SNTG1: variants seen among roughly 807,000 people sequenced by gnomAD.
SNTG1 encodes the protein syntrophin gamma 1, also known as gamma-1-syntrophin.
Under a neutral mutation model 74.7 loss-of-function variants are expected in SNTG1, and 39 were observed. The ratio of observed to expected loss-of-function variants is 0.52; its 90% CI spans 0.40 to 0.68. The LOEUF is 0.68. SNTG1 is among the 30% of genes least tolerant of loss of function. The pLI is 0.00. For missense variants in SNTG1, 685 were observed against 609.5 expected, an observed-to-expected ratio of 1.12 and a Z score of -1.30; for synonymous variants, 254 against 217.1, an observed-to-expected ratio of 1.17 and a Z score of -1.49.
intron 16 of SNTG1, 53 bp downstream of exon 16, chr8:50,704,805 T>A (rs2095438184): frequency 6.3e-7 from 1 of 1,579,350 alleles, no homozygotes; most frequent in African/African-American, 1.3e-5. Context: ...GCATGACCAC[T>A]TCCCTAGAGT....
chr8:50,176,751 C>T (rs759687882), intron 2 of SNTG1, among the ~76,000 whole-genome samples: 9 of 152,174 alleles, frequency 5.9e-5, no homozygotes, highest in Non-Finnish European at 7.3e-5. Context: ...CTGAAGGGAA[C>T]ATTTCTGTAG....
chr8:50,135,823 G>A lies in SNTG1; in HGVS notation c.-102-36738G>A, dbSNP rs117689288. Among the ~76,000 whole-genome samples the A allele has an allele frequency of 9.8e-3, 1,488 of 152,222 alleles. 16 individuals carry two copies. The highest frequency in any genetic ancestry group is 0.017 in the Non-Finnish European group (1,132 of 68,002). On this transcript the variant is annotated intron_variant, in intron 1 of 18. Coordinates refer to ENST00000642720, the MANE Select transcript of SNTG1 (RefSeq NM_018967.5). Reference sequence around the variant, plus strand: ...TTTAGGTAAACTGCATGTTGCAGGGGTTTGGTGTGCCGATTGTTTTGTCTC... The same window carrying A: ...TTTAGGTAAACTGCATGTTGCAGGGATTTGGTGTGCCGATTGTTTTGTCTC...
intron 4 of SNTG1, among the ~76,000 whole-genome samples, chr8:50,409,155 G>A (rs916506451): frequency 6.6e-6 from 1 of 152,074 alleles, no homozygotes; most frequent in Admixed American, 6.6e-5. Context: ...GTGACGCAGA[G>A]AAAAAACACT....
chr8:50,446,386 A>AT (rs2093408199), intron 5 of SNTG1, among the ~76,000 whole-genome samples: 1 of 151,568 alleles, frequency 6.6e-6, no homozygotes, highest in African/African-American at 2.4e-5. Context: ...AAGCAAAAAA[A>AT]AAAAACAGGC....
At chr8:50,220,373 T>C (rs79023867) in intron 2 of SNTG1, among the ~76,000 whole-genome samples, 1 of 152,072 alleles carries the variant, frequency 6.6e-6, no homozygotes, top group South Asian at 2.1e-4. Flanking sequence ...GAAAAATATA[T>C]TCAAAAGATA....
At chr8:50,726,930 C>T (rs979131434) in intron 17 of SNTG1, among the ~76,000 whole-genome samples, 2 of 151,972 alleles carry the variant, frequency 1.3e-5, no homozygotes, top group African/African-American at 4.8e-5. Flanking sequence ...TTTTGTGTGT[C>T]TTAACAAGGA....
At chr8:49,949,961 T>C (rs1453391385) in intron 1 of SNTG1, among the ~76,000 whole-genome samples, 1 of 152,158 alleles carries the variant, frequency 6.6e-6, no homozygotes, top group Non-Finnish European at 1.5e-5. Flanking sequence ...ACCTCATCTC[T>C]AATAAAGATA....
intron 1 of SNTG1, among the ~76,000 whole-genome samples, chr8:50,043,712 G>T (rs899325147): frequency 6.6e-6 from 1 of 152,156 alleles, no homozygotes; most frequent in Non-Finnish European, 1.5e-5. Context: ...AGATGCTTTG[G>T]TATTCAACAG....
intron 9 of SNTG1, among the ~76,000 whole-genome samples, chr8:50,521,119 G>C (rs1190611431): frequency 1.3e-5 from 2 of 152,176 alleles, no homozygotes; most frequent in Admixed American, 6.5e-5. Flanking sequence ...GTTCTTTGCA[G>C]TGACATGGAT....
chr8:50,168,352 C>T (rs2082695463), intron 1 of SNTG1, among the ~76,000 whole-genome samples: 1 of 152,106 alleles, frequency 6.6e-6, no homozygotes, highest in Admixed American at 6.6e-5. Flanking sequence ...CAAGTCATTC[C>T]ATTCCTTATA....
At chr8:50,369,812 G>T (rs773351965) in intron 2 of SNTG1, among the ~76,000 whole-genome samples, 1 of 152,088 alleles carries the variant, frequency 6.6e-6, no homozygotes, top group Admixed American at 6.5e-5. Context: ...TATTTATTAT[G>T]GCAGCCCAAA....
intron 2 of SNTG1, among the ~76,000 whole-genome samples, chr8:50,188,492 A>G (rs1309390931): frequency 5.9e-5 from 9 of 152,148 alleles, no homozygotes; most frequent in Admixed American, 4.6e-4. Flanking sequence ...TGTAAACTAC[A>G]CAAGAGTTTT....
At chr8:50,638,196 A>T (rs577782538) in intron 13 of SNTG1, among the ~76,000 whole-genome samples, 1 of 152,228 alleles carries the variant, frequency 6.6e-6, no homozygotes, top group South Asian at 2.1e-4. Flanking sequence ...TCATCTCTAG[A>T]GCTTCTTGAA....
At chr8:50,068,062 G>A (rs1821044914) in intron 1 of SNTG1, among the ~76,000 whole-genome samples, 1 of 152,040 alleles carries the variant, frequency 6.6e-6, no homozygotes, top group Non-Finnish European at 1.5e-5. Context: ...AAATCTGAGG[G>A]TCTCCTATGA....
At chr8:50,504,905 T>C (rs1301813536) in intron 9 of SNTG1, among the ~76,000 whole-genome samples, 2 of 152,202 alleles carry the variant, frequency 1.3e-5, no homozygotes, top group African/African-American at 4.8e-5. Context: ...AGAGTAGCCT[T>C]AAGTCTATGT....
At chr8:50,543,910 G>T (rs907961989) in intron 11 of SNTG1, among the ~76,000 whole-genome samples, 1 of 152,078 alleles carries the variant, frequency 6.6e-6, no homozygotes, top group South Asian at 2.1e-4. Context: ...CTGTGGCCTT[G>T]ATTTGCATAT....
chr8:50,259,021 G>A lies in SNTG1; in HGVS notation c.-28+86386G>A, dbSNP rs528976038. Among the ~76,000 whole-genome samples, 3 of 152,152 alleles carry A rather than the reference G, an allele frequency of 2.0e-5. No homozygotes were observed. The East Asian group carries it at 5.8e-4, about 29-fold the overall frequency. On this transcript the variant is annotated intron_variant, in intron 2 of 18. Coordinates refer to ENST00000642720, the MANE Select transcript of SNTG1 (RefSeq NM_018967.5). ...CATATCACAGTAAAAATGTTGAAAG[G>A]CAAAGAAGAAAATCGTAAAAAGATT...
At chr8:50,273,154 T>C (rs530905557) in intron 2 of SNTG1, among the ~76,000 whole-genome samples, 42 of 152,322 alleles carry the variant, frequency 2.8e-4, no homozygotes, top group African/African-American at 9.4e-4. Flanking sequence ...GATGCTGATG[T>C]TTAGAACAGT....
rs139391300 is a variant in SNTG1 at position 50,748,980 on chromosome 8, T to A, written c.1285-3021T>A. On this transcript the variant is annotated intron_variant, in intron 17 of 18. Coordinates refer to ENST00000642720, the MANE Select transcript of SNTG1 (RefSeq NM_018967.5). ...TTCAAATGAAAGACTCACATGCCTC[T>A]CACTTTAAATCAAAATCTAGAAATG... Among the ~76,000 whole-genome samples the A allele has an allele frequency of 2.9e-3, 447 of 152,152 alleles. 3 individuals are homozygous for A. The highest frequency in any genetic ancestry group is 0.01 in the African/African-American group (432 of 41,556).
Sources: allele counts gnomAD v4.1 joint callset (sites outside exome capture counted in the v4.1 genomes callset), GRCh38; gene constraint gnomAD v4.1.1; transcripts MANE v1.5; gene names NCBI Gene and HGNC (gene_info 2026-07-23, HGNC 2026-07-21).